Variants in HSPB8 observed in about 807,000 individuals in gnomAD.
The protein encoded by HSPB8 is heat shock protein beta-8.
HSPB8 carries 9 observed loss-of-function variants against 16.5 expected under a neutral mutation model. The observed-to-expected ratio is 0.55, with a 90% CI of 0.33 to 0.95. The LOEUF (loss-of-function observed/expected upper bound fraction) is 0.95, where lower values mean the gene tolerates loss of function less well. Among genes scored for constraint, HSPB8 ranks in the 40% least tolerant of loss-of-function variants. HSPB8 has a pLI of 0.03. For missense variants in HSPB8, 238 were observed against 251.2 expected, an observed-to-expected ratio of 0.95 and a Z score of 0.35; for synonymous variants, 99 against 94.8, an observed-to-expected ratio of 1.04 and a Z score of -0.26.
intron 2 of HSPB8, among the ~76,000 whole-genome samples, chr12:119,191,935 GA>G (rs1954715066): frequency 6.6e-6 from 1 of 152,166 alleles, no homozygotes; most frequent in African/African-American, 2.4e-5. Flanking sequence ...TCATCTGTAA[GA>G]TGGGGATAGC....
At chr12:119,180,763 G>A (rs560545674) in intron 1 of HSPB8, among the ~76,000 whole-genome samples, 23 of 152,234 alleles carry the variant, frequency 1.5e-4, no homozygotes, top group Non-Finnish European at 3.1e-4. Flanking sequence ...ATGTGTTCCC[G>A]GCAGAGGCTT....
At chr12:119,190,063 C>T (rs1954703081) in intron 2 of HSPB8, among the ~76,000 whole-genome samples, 1 of 152,204 alleles carries the variant, frequency 6.6e-6, no homozygotes, top group Admixed American at 6.5e-5. Flanking sequence ...ACCTTCCATT[C>T]CCACATCCCT....
At chr12:119,183,352 G>A (rs913909603) in intron 1 of HSPB8, 6 of 152,172 alleles carry the variant, frequency 3.9e-5, no homozygotes, top group African/African-American at 1.4e-4. Context: ...TTCCCTTCAT[G>A]GGCCACTGGG....
chr12:119,186,485 T>A (rs1357384634), intron 1 of HSPB8, among the ~76,000 whole-genome samples: 1 of 152,164 alleles, frequency 6.6e-6, no homozygotes, highest in East Asian at 1.9e-4. Context: ...CGACCCTGGA[T>A]CCATCACCAA....
At position 119,179,687 on chromosome 12, in the gene HSPB8, AG is replaced by A; in HGVS notation, c.367+12del. ...GATACGTGGAGGTGTCTGGTAAGTC[AG>A]GGGCAGGAGGGAGAGAGAATGGGGA... On this transcript the variant is annotated intron_variant, in intron 1 of 2. Coordinates refer to ENST00000281938, the MANE Select transcript of HSPB8 (RefSeq NM_014365.3). 6.4e-7 allele frequency: 1 copy of A among 1,564,080 alleles called. No homozygotes were observed. Among genetic ancestry groups the A allele is most frequent in the Non-Finnish European group, 8.6e-7 (1 of 1,158,630 alleles).
At position 119,194,055 on chromosome 12, in the gene HSPB8, T is replaced by C; in HGVS notation, c.*197T>C. The C allele has an allele frequency of 3.1e-6, 2 of 652,086 alleles. No individual in the cohort carries two copies. Among genetic ancestry groups the C allele is most frequent in the South Asian group, 3.6e-5 (2 of 55,528 alleles). The allele number at this position is 652,086 out of a possible 1,614,324, so 40.4% of individuals were successfully genotyped here. A position where few individuals can be genotyped will look rare whatever the true frequency, so the allele number is the denominator to read the frequency against. On this transcript the variant is annotated 3_prime_UTR_variant, in exon 3 of 3. Transcript: ENST00000281938. ...GATAGCGCAATTGGCAAATCATGCT[T>C]GGTTGTGTTAGGCCAAAATACTAGT... is the stretch of plus-strand genomic sequence containing the variant.
intron 2 of HSPB8, among the ~76,000 whole-genome samples, chr12:119,193,017 TGGG>T (rs1475441986): frequency 6.6e-6 from 1 of 152,172 alleles, no homozygotes; most frequent in African/African-American, 2.4e-5. Flanking sequence ...ATGGGAATTA[TGGG>T]AGCTACAATT....
At chr12:119,191,636 C>A (rs146554455) in intron 2 of HSPB8, among the ~76,000 whole-genome samples, 2,103 of 151,688 alleles carry the variant, frequency 0.014, 53 homozygotes, top group African/African-American at 0.047. Flanking sequence ...CAGAAGGAGT[C>A]CTGCCTATGA....
At chr12:119,186,427 C>T (rs1192291290) in intron 1 of HSPB8, among the ~76,000 whole-genome samples, 1 of 152,218 alleles carries the variant, frequency 6.6e-6, no homozygotes, top group Non-Finnish European at 1.5e-5. Context: ...TTGGCCTAGA[C>T]TCAGAGAGAG....
chr12:119,185,938 G>C (rs1190271218), intron 1 of HSPB8, among the ~76,000 whole-genome samples: 1 of 152,174 alleles, frequency 6.6e-6, no homozygotes, highest in Non-Finnish European at 1.5e-5. Flanking sequence ...AGGCCCCTCA[G>C]AAGCACCTCC....
intron 2 of HSPB8, among the ~76,000 whole-genome samples, chr12:119,189,302 GGTGTGTGTGTGTGTGT>G (rs60310566): frequency 1.9e-4 from 27 of 143,408 alleles, no homozygotes; most frequent in African/African-American, 4.5e-4. Flanking sequence ...TCTTAAAAGG[GGTGTGTGTGTGTGTGT>G]GTGTGTGTGT....
intron 1 of HSPB8, among the ~76,000 whole-genome samples, chr12:119,179,995 A>G (rs1256732460): frequency 2.0e-5 from 3 of 152,216 alleles, no homozygotes; most frequent in African/African-American, 7.2e-5. Flanking sequence ...TTAAGCAGAT[A>G]TCAAAGAATT....
intron 2 of HSPB8, among the ~76,000 whole-genome samples, chr12:119,191,340 G>C (rs1391081930): frequency 6.6e-6 from 1 of 152,146 alleles, no homozygotes; most frequent in Non-Finnish European, 1.5e-5. Context: ...CACTGTACCT[G>C]GTGTGCACTG....
At chr12:119,185,587 C>T (rs1167083285) in intron 1 of HSPB8, among the ~76,000 whole-genome samples, 2 of 152,108 alleles carry the variant, frequency 1.3e-5, no homozygotes, top group Non-Finnish European at 2.9e-5. Context: ...CTGCCTCGGC[C>T]TCCCAAAGTG....
At position 119,179,364 on chromosome 12, in the gene HSPB8, C is replaced by G; in HGVS notation, c.52C>G (p.Arg18Gly). 6.2e-7 allele frequency: 1 copy of G among 1,614,134 alleles called. No homozygotes were observed. The highest frequency in any genetic ancestry group is 8.5e-7 in the Non-Finnish European group (1 of 1,180,024). ...CTGCCACTACCCAAGCCGCCTGCGC[C>G]GAGACCCCTTCCGGGACTCTCCCCT... ...FSCHYPSRLR[R>G]DPFRDSPLSS... is the part of the protein sequence containing the mutation. The change falls in exon 1 of 3, where the codon CGA becomes GGA. Residue 18 changes from arginine to glycine, a missense_variant. Transcript: ENST00000281938.
At chr12:119,193,660 TAAC>T (rs1279135167) in intron 2 of HSPB8, 36 bp from the exon 3 acceptor site, 4 of 1,605,652 alleles carry the variant, frequency 2.5e-6, no homozygotes, top group Non-Finnish European at 2.6e-6. Context: ...TAAGCAATAT[TAAC>T]AACAATAAAT....
intron 1 of HSPB8, among the ~76,000 whole-genome samples, chr12:119,186,634 C>A (rs1463705533): frequency 6.6e-6 from 1 of 152,172 alleles, no homozygotes; most frequent in African/African-American, 2.4e-5. Context: ...GCCATCCAGT[C>A]TGGGATGTCA....
Position 119,179,157 on chromosome 12 carries a change from C to T in HSPB8, c.-156C>T. 1 of 768,568 alleles carries T rather than the reference C, an allele frequency of 1.3e-6. No homozygotes were observed. The allele number at this position is 768,568 out of a possible 1,614,324, so 47.6% of individuals were successfully genotyped here. On this transcript the variant is annotated 5_prime_UTR_variant, in exon 1 of 3. Coordinates refer to ENST00000281938, the MANE Select transcript of HSPB8 (RefSeq NM_014365.3). ...ACCCCAGTCGAGGGGACACAACCGT[C>T]CCTGGCAGTGGTTGGTTCTGCTTCT...
Position 119,194,305 on chromosome 12 carries a change from T to C in HSPB8, c.*447T>C. On this transcript the variant is annotated 3_prime_UTR_variant, in exon 3 of 3. Coordinates refer to ENST00000281938, the MANE Select transcript of HSPB8 (RefSeq NM_014365.3). ...GGTTTGGTTAATGAAACCCAGTAGC[T>C]AACCCCACTGTGCTTCCACATGCCT... 1 of 269,098 alleles carries C rather than the reference T, an allele frequency of 3.7e-6. No individual in the cohort carries two copies. The highest frequency in any genetic ancestry group is 9.8e-5 in the East Asian group (1 of 10,184). 16.7% of individuals were successfully genotyped at this position (269,098 alleles called of 1,614,324 possible). A position where few individuals can be genotyped will look rare whatever the true frequency, so the allele number is the denominator to read the frequency against.
Sources: gnomAD v4.1 joint callset for allele counts (sites outside exome capture counted in the v4.1 genomes callset) on GRCh38, gnomAD v4.1.1 for gene constraint, MANE v1.5 for transcripts, NCBI Gene and HGNC (gene_info 2026-07-23, HGNC 2026-07-21) for gene names.